FHIT: variants seen among roughly 807,000 people sequenced by gnomAD.
The protein encoded by FHIT is bis(5'-adenosyl)-triphosphatase.
A neutral mutation model predicts 17.9 loss-of-function variants in FHIT; 19 were observed. The observed-to-expected ratio is 1.06, with a 90% CI of 0.74 to 1.56. The LOEUF (loss-of-function observed/expected upper bound fraction) is 1.56. Ranked by LOEUF, FHIT falls within the 40% of genes most tolerant of loss-of-function variation. FHIT has a pLI of 0.00. For missense variants in FHIT, 248 were observed against 189.2 expected (o/e 1.31, Z -1.82); for synonymous variants, 81 against 69.7 (o/e 1.16, Z -0.81).
chr3:61,132,443 A>G (rs1052017273), intron 2 of FHIT, among the ~76,000 whole-genome samples: 2 of 152,248 alleles, frequency 1.3e-5, no homozygotes, highest in African/African-American at 4.8e-5. Context: ...TCTTGGTGCC[A>G]GATAAACACA....
chr3:60,495,325 T>C (rs1338609362), intron 5 of FHIT, among the ~76,000 whole-genome samples: 1 of 152,216 alleles, frequency 6.6e-6, no homozygotes, highest in Non-Finnish European at 1.5e-5. Flanking sequence ...CATTCTCTAA[T>C]TCTTCTTTAA....
intron 8 of FHIT, among the ~76,000 whole-genome samples, chr3:59,773,463 A>C (rs1434842304): frequency 2.0e-5 from 3 of 152,192 alleles, no homozygotes; most frequent in Non-Finnish European, 4.4e-5. Context: ...CTCAATGTTA[A>C]GTGGTTGCAT....
At chr3:60,079,523 G>A (rs1703182345) in intron 5 of FHIT, among the ~76,000 whole-genome samples, 1 of 151,962 alleles carries the variant, frequency 6.6e-6, no homozygotes, top group African/African-American at 2.4e-5. Flanking sequence ...CTCTCAGCCT[G>A]CCCTTCTCTT....
At chr3:60,672,900 T>TGTGTGTGTGC (rs1396771058) in intron 4 of FHIT, among the ~76,000 whole-genome samples, 1 of 151,626 alleles carries the variant, frequency 6.6e-6, no homozygotes, top group South Asian at 2.1e-4. Context: ...TGTGTGTGTG[T>TGTGTGTGTGC]GTGTGTGCAT....
At chr3:60,790,981 C>A (rs1700758090) in intron 4 of FHIT, among the ~76,000 whole-genome samples, 1 of 152,152 alleles carries the variant, frequency 6.6e-6, no homozygotes, top group Non-Finnish European at 1.5e-5. Flanking sequence ...AGAAAATCGT[C>A]TGTTTTTTAA....
chr3:60,750,045 A>G (rs535252862), intron 4 of FHIT, among the ~76,000 whole-genome samples: 3 of 152,338 alleles, frequency 2.0e-5, no homozygotes, highest in Admixed American at 6.5e-5. Flanking sequence ...TGTCAAAGCC[A>G]TATAACTAGT....
chr3:60,966,453 C>G (rs1283602480), intron 3 of FHIT, among the ~76,000 whole-genome samples: 1 of 152,198 alleles, frequency 6.6e-6, no homozygotes, highest in African/African-American at 2.4e-5. Context: ...GTCCGACAAG[C>G]CCCAGTGAGA....
At chr3:60,967,863 AGGGC>A (rs1315997427) in intron 3 of FHIT, among the ~76,000 whole-genome samples, 4 of 152,234 alleles carry the variant, frequency 2.6e-5, no homozygotes, top group African/African-American at 9.6e-5. Flanking sequence ...ATATTGTAAG[AGGGC>A]TCAGCCATAT....
At position 61,135,598 on chromosome 3, in the gene FHIT, C is replaced by T. The variant is rs73839933; in HGVS notation, c.-164+65019G>A. Among the ~76,000 whole-genome samples, 14 of 142,570 alleles carry T rather than the reference C, an allele frequency of 9.8e-5. No individual in the cohort carries two copies. The South Asian group carries it at 1.1e-3, about 11-fold the overall frequency. 93.5% of individuals were successfully genotyped at this position (142,570 alleles called of 152,430 possible). ...TTGTGTTCGAACACACACACACACA[C>T]ATACACACACACACACATACACACA... On this transcript the variant is annotated intron_variant, in intron 2 of 9. Coordinates refer to ENST00000492590, the MANE Select transcript of FHIT (RefSeq NM_002012.4).
intron 5 of FHIT, among the ~76,000 whole-genome samples, chr3:60,035,178 C>G (rs953745093): frequency 7.2e-5 from 11 of 152,106 alleles, no homozygotes; most frequent in African/African-American, 2.4e-4. Context: ...GCACTAGGTC[C>G]TAGAAGGATA....
At chr3:60,530,344 G>A (rs977720776) in intron 5 of FHIT, among the ~76,000 whole-genome samples, 1 of 152,172 alleles carries the variant, frequency 6.6e-6, no homozygotes. Flanking sequence ...TCGTGGGTAT[G>A]TCACCTTCAT....
At chr3:61,194,055 T>A (rs1165684892) in intron 2 of FHIT, among the ~76,000 whole-genome samples, 2 of 42,950 alleles carry the variant, frequency 4.7e-5, no homozygotes, top group South Asian at 8.9e-4. Flanking sequence ...GTGGTGGGGG[T>A]GGTGGTGGGG....
intron 1 of FHIT, among the ~76,000 whole-genome samples, chr3:61,205,777 A>T (rs2039208597): frequency 6.6e-6 from 1 of 151,592 alleles, no homozygotes; most frequent in Admixed American, 6.6e-5. Context: ...TTGCCTGTTC[A>T]CTCTGATGGT....
At chr3:60,517,730 G>C (rs2035213847) in intron 5 of FHIT, among the ~76,000 whole-genome samples, 1 of 152,222 alleles carries the variant, frequency 6.6e-6, no homozygotes, top group South Asian at 2.1e-4. Flanking sequence ...CATTATAGTT[G>C]TGCCACAATC....
At chr3:60,436,845 A>G (rs1018501802) in intron 5 of FHIT, among the ~76,000 whole-genome samples, 5 of 152,260 alleles carry the variant, frequency 3.3e-5, no homozygotes, top group African/African-American at 1.2e-4. Context: ...AAAATGAATC[A>G]TCATTAGAAA....
rs915457317 is a variant in FHIT at position 59,771,755 on chromosome 3, C to A, written c.349-19434G>T. On this transcript the variant is annotated intron_variant, in intron 8 of 9. Transcript: ENST00000492590. ...AAGCTCACACTCAAGACACAGACTT[C>A]TCGTCATAAAAAAATTTCACAAATT... Among the ~76,000 whole-genome samples, 12 of 152,118 alleles carry A rather than the reference C, an allele frequency of 7.9e-5. No homozygotes were observed. The East Asian group carries it at 1.5e-3, about 20-fold the overall frequency.
intron 8 of FHIT, among the ~76,000 whole-genome samples, chr3:59,783,272 C>A (rs1210109957): frequency 2.0e-5 from 3 of 152,160 alleles, no homozygotes; most frequent in East Asian, 3.9e-4. Flanking sequence ...AGATCGAGAC[C>A]ATCCTGGCCA....
intron 4 of FHIT, among the ~76,000 whole-genome samples, chr3:60,804,594 G>A (rs1701317917): frequency 6.6e-6 from 1 of 152,210 alleles, no homozygotes; most frequent in Non-Finnish European, 1.5e-5. Context: ...ATAGGACAAT[G>A]CCTGACATAT....
chr3:60,247,284 G>C (rs1002482757), intron 5 of FHIT, among the ~76,000 whole-genome samples: 1 of 152,090 alleles, frequency 6.6e-6, no homozygotes, highest in African/African-American at 2.4e-5. Context: ...AGCTACTTGG[G>C]AATCTGAGGC....
Sources: gnomAD v4.1 joint callset for allele counts (sites outside exome capture counted in the v4.1 genomes callset) on GRCh38, gnomAD v4.1.1 for gene constraint, MANE v1.5 for transcripts, NCBI Gene and HGNC (gene_info 2026-07-23, HGNC 2026-07-21) for gene names.